Variants in FBXO15 observed in about 807,000 individuals in gnomAD.
FBXO15 encodes the protein F-box protein 15, also known as F-box only protein 15.
In FBXO15, 30 loss-of-function variants were observed where a neutral mutation model predicts 49.5. The observed-to-expected ratio is 0.61, with a 90% confidence interval of 0.45 to 0.82. The LOEUF (loss-of-function observed/expected upper bound fraction) is 0.82, where lower values mean the gene tolerates loss of function less well. FBXO15 is among the 40% of genes least tolerant of loss of function. The pLI is 0.00. For synonymous variants in FBXO15, 250 were observed against 232.7 expected, an observed-to-expected ratio of 1.07 and a Z score of -0.68; for missense variants, 591 against 631.5, an observed-to-expected ratio of 0.94 and a Z score of 0.69.
At chr18:74,092,527 T>C (rs1430633706) in intron 8 of FBXO15, among the ~76,000 whole-genome samples, 3 of 152,184 alleles carry the variant, frequency 2.0e-5, no homozygotes, top group Non-Finnish European at 4.4e-5. Flanking sequence ...ATCTTCGAAG[T>C]TGCTGTCCTT....
chr18:74,093,270 G>GGC (rs1555676393), intron 8 of FBXO15, among the ~76,000 whole-genome samples: 1 of 150,424 alleles, frequency 6.6e-6, no homozygotes, highest in Non-Finnish European at 1.5e-5. Flanking sequence ...CAATGGGGGG[G>GGC]GGGTGGCTGC....
intron 8 of FBXO15, among the ~76,000 whole-genome samples, chr18:74,108,620 A>T (rs533092273): frequency 2.6e-4 from 40 of 152,312 alleles, no homozygotes; most frequent in African/African-American, 8.4e-4. Flanking sequence ...AAGAAAGAGA[A>T]GGAAACGGAA....
intron 1 of FBXO15, among the ~76,000 whole-genome samples, chr18:74,145,668 G>A (rs945106263): frequency 1.4e-5 from 2 of 145,894 alleles, no homozygotes; most frequent in Non-Finnish European, 3.0e-5. Flanking sequence ...CGCTATCTCG[G>A]CTCACTGCAA....
intron 3 of FBXO15, among the ~76,000 whole-genome samples, chr18:74,135,541 T>C (rs1599186816): frequency 6.6e-6 from 1 of 152,218 alleles, no homozygotes; most frequent in Non-Finnish European, 1.5e-5. Flanking sequence ...GCTACAGCAA[T>C]AACAAGTTTG....
intron 8 of FBXO15, among the ~76,000 whole-genome samples, chr18:74,083,147 C>T (rs1912577298): frequency 6.6e-6 from 1 of 152,220 alleles, no homozygotes. Context: ...CCAGATGCCA[C>T]ACTGCTGGTT....
At chr18:74,127,320 C>A (rs1276087205) in intron 5 of FBXO15, among the ~76,000 whole-genome samples, 1 of 152,260 alleles carries the variant, frequency 6.6e-6, no homozygotes. Flanking sequence ...CTTACAGCCA[C>A]AGACACAGAA....
At chr18:74,097,849 G>A (rs1200681878) in intron 8 of FBXO15, 1 of 152,282 alleles carries the variant, frequency 6.6e-6, no homozygotes, top group Non-Finnish European at 1.5e-5. Flanking sequence ...AAGGACCCTT[G>A]CAGAGTCCAC....
chr18:74,142,994 A>G (rs1016894820), intron 1 of FBXO15, among the ~76,000 whole-genome samples: 10 of 152,202 alleles, frequency 6.6e-5, no homozygotes, highest in African/African-American at 2.2e-4. Flanking sequence ...TTAAGCTTCA[A>G]ATAAAGGGAA....
intron 8 of FBXO15, among the ~76,000 whole-genome samples, chr18:74,101,862 G>T (rs1445390246): frequency 6.6e-6 from 1 of 152,024 alleles, no homozygotes; most frequent in East Asian, 1.9e-4. Context: ...ACATACAGTG[G>T]GGAAAGGATA....
chr18:74,079,563 T>C (rs1336533964), intron 9 of FBXO15, among the ~76,000 whole-genome samples: 1 of 152,166 alleles, frequency 6.6e-6, no homozygotes, highest in Non-Finnish European at 1.5e-5. Context: ...ATACAGCTCA[T>C]TCATAATATT....
At chr18:74,140,336 A>T in intron 1 of FBXO15, 24 bp from the exon 2 acceptor site, 2 of 1,536,712 alleles carry the variant, frequency 1.3e-6, no homozygotes, top group Non-Finnish European at 1.8e-6. Flanking sequence ...TGGGAAATTC[A>T]AATTATGTAA....
chr18:74,107,257 T>C (rs1406935552), intron 8 of FBXO15, among the ~76,000 whole-genome samples: 4 of 150,952 alleles, frequency 2.6e-5, no homozygotes, highest in East Asian at 3.9e-4. Flanking sequence ...GAAGACATTA[T>C]ATTCAGTGAA....
chr18:74,128,678 A>T (rs193136115), intron 5 of FBXO15, among the ~76,000 whole-genome samples: 1 of 152,342 alleles, frequency 6.6e-6, no homozygotes, highest in Non-Finnish European at 1.5e-5. Flanking sequence ...TCCAGCTTTT[A>T]GGAGGAAGCA....
chr18:74,123,263 A>G, intron 8 of FBXO15, 105 bp downstream of exon 8: 3 of 1,282,922 alleles, frequency 2.3e-6, no homozygotes, highest in Non-Finnish European at 3.3e-6. Flanking sequence ...GTGCCAAAAG[A>G]TTATAAAGTG....
intron 2 of FBXO15, among the ~76,000 whole-genome samples, chr18:74,139,055 C>G (rs1466941750): frequency 6.6e-6 from 1 of 152,140 alleles, no homozygotes; most frequent in Non-Finnish European, 1.5e-5. Context: ...GAGCCCCCAC[C>G]ACCACACCTC....
intron 8 of FBXO15, among the ~76,000 whole-genome samples, chr18:74,112,248 A>G: frequency 6.6e-6 from 1 of 152,208 alleles, no homozygotes; most frequent in Non-Finnish European, 1.5e-5. Flanking sequence ...AAAACTATAG[A>G]CAAGTATCTC....
intron 5 of FBXO15, 103 bp from the exon 6 acceptor site, chr18:74,126,204 T>G: frequency 6.8e-7 from 1 of 1,467,796 alleles, no homozygotes; most frequent in Non-Finnish European, 9.3e-7. Context: ...GAAGAGCATG[T>G]TAATGATGTG....
chr18:74,118,712 T>A (rs1190074768), intron 8 of FBXO15, among the ~76,000 whole-genome samples: 11 of 152,126 alleles, frequency 7.2e-5, no homozygotes, highest in Admixed American at 7.2e-4. Flanking sequence ...CCATCTCAGA[T>A]GAGAAATGGC....
chr18:74,116,270 G>A (rs1441241862), intron 8 of FBXO15, among the ~76,000 whole-genome samples: 1 of 152,066 alleles, frequency 6.6e-6, no homozygotes, highest in Non-Finnish European at 1.5e-5. Flanking sequence ...TTTTTCTGTA[G>A]CCTGTATACA....
Sources: gnomAD v4.1 joint callset for allele counts (sites outside exome capture counted in the v4.1 genomes callset) on GRCh38, gnomAD v4.1.1 for gene constraint, MANE v1.5 for transcripts, NCBI Gene and HGNC (gene_info 2026-07-23, HGNC 2026-07-21) for gene names.